Variants in ZNF404 observed in about 807,000 individuals in gnomAD.
ZNF404 encodes the protein zinc finger protein 404.
Under a neutral mutation model 7.3 loss-of-function variants are expected in ZNF404, and 7 were observed. That is an observed-to-expected ratio of 0.95 (90% confidence interval 0.54 to 1.79). The LOEUF is 1.79. ZNF404 is among the 40% of genes most tolerant of loss of function. The pLI, the probability that ZNF404 is intolerant of heterozygous loss-of-function variation, is 0.00. For missense variants in ZNF404, 560 were observed against 661.5 expected, an observed-to-expected ratio of 0.85 and a Z score of 1.68; for synonymous variants, 191 against 209.9, an observed-to-expected ratio of 0.91 and a Z score of 0.78.
chr19:43,882,115 C>T (rs1024757503), intron 1 of ZNF404, among the ~76,000 whole-genome samples: 5 of 152,072 alleles, frequency 3.3e-5, no homozygotes, highest in Non-Finnish European at 4.4e-5. Context: ...GAAAGCTTAA[C>T]GTAATACTAC....
chr19:43,874,980 A>C (rs76019801), intron 2 of ZNF404, among the ~76,000 whole-genome samples: 1,527 of 152,298 alleles, frequency 0.01, 38 homozygotes, highest in African/African-American at 0.034. Flanking sequence ...TGAGTAAACT[A>C]ACCATTTCAT....
Position 43,873,177 on chromosome 19 carries a change from T to G in ZNF404, c.1037A>C (p.Lys346Thr). The G allele has an allele frequency of 6.2e-7, 1 of 1,612,632 alleles. No homozygotes were observed. Among genetic ancestry groups the G allele is most frequent in the Non-Finnish European group, 8.5e-7 (1 of 1,178,794 alleles). Residue 346 changes from lysine to threonine, a missense_variant, in exon 3 of 3, where the codon AAG (lysine) becomes ACG (threonine). Transcript: ENST00000587539. Reference sequence around the variant, plus strand: ...GAGTTTCTCACTACTATGAATTCTCTTATGTTTAAGAAGGCTTGAGCCCTT... The same window carrying G: ...GAGTTTCTCACTACTATGAATTCTCGTATGTTTAAGAAGGCTTGAGCCCTT... ...FGKGSSLLKH[K>T]RIHSSEKLYD...
In ZNF404 at chr19:43,872,474, A is replaced by G. The variant is rs1971817429; in HGVS notation, c.*81T>C. On this transcript the variant is annotated 3_prime_UTR_variant, in exon 3 of 3. Transcript: ENST00000587539. This position sits in a 1 kb window ranked among gnomAD's most constrained non-coding sequence, Gnocchi z 4.4. Reference sequence around the variant, plus strand: ...GCCTTTCCAAGTATTTATATTCTATATTAACTAGTTTAATCTTCACTATAG... The same window carrying G: ...GCCTTTCCAAGTATTTATATTCTATGTTAACTAGTTTAATCTTCACTATAG... 3.5e-6 allele frequency: 4 copies of G among 1,131,038 alleles called. No individual in the cohort carries two copies. The highest frequency in any genetic ancestry group is 2.4e-4 in the Middle Eastern group (1 of 4,136). 70.1% of individuals were successfully genotyped at this position (1,131,038 alleles called of 1,614,324 possible). A position where few individuals can be genotyped will look rare whatever the true frequency, so the allele number is the denominator to read the frequency against.
intron 1 of ZNF404, among the ~76,000 whole-genome samples, chr19:43,882,679 A>C (rs1184122354): frequency 1.3e-5 from 2 of 151,832 alleles, no homozygotes; most frequent in African/African-American, 4.8e-5. Context: ...TAATCTCAGC[A>C]CTTTGGGAGG....
At chr19:43,882,546 A>ACT (rs1971904539) in intron 1 of ZNF404, among the ~76,000 whole-genome samples, 1 of 152,108 alleles carries the variant, frequency 6.6e-6, no homozygotes, top group South Asian at 2.1e-4. Context: ...CAGAAATGGA[A>ACT]CTCTCATACA....
intron 1 of ZNF404, among the ~76,000 whole-genome samples, chr19:43,882,762 G>A (rs1324802322): frequency 2.0e-5 from 3 of 148,200 alleles, no homozygotes; most frequent in African/African-American, 7.5e-5. Context: ...CTGCACTCCA[G>A]CTTGGGCAAG....
chr19:43,881,904 C>T (rs185613791), intron 1 of ZNF404, among the ~76,000 whole-genome samples: 1 of 145,002 alleles, frequency 6.9e-6, no homozygotes, highest in Non-Finnish European at 1.5e-5. Context: ...TTGCAGTGAG[C>T]CAAGATCACA....
intron 2 of ZNF404, among the ~76,000 whole-genome samples, chr19:43,877,375 A>G (rs935610746): frequency 6.6e-6 from 1 of 152,132 alleles, no homozygotes; most frequent in Non-Finnish European, 1.5e-5. Flanking sequence ...GTCTCTATAT[A>G]CTATTTCCCA....
rs1454667041 is a variant in ZNF404, at chr19:43,873,246, C to T, written c.968G>A (p.Gly323Asp). Residue 323 changes from glycine (G) to aspartate (D), a missense_variant, in exon 3 of 3, where the codon GGT (glycine) becomes GAT (aspartate). Coordinates refer to ENST00000587539, the MANE Select transcript of ZNF404 (RefSeq NM_001033719.3). The part of the protein sequence containing the change: ...LLVEHQRSHT[G>D]EKPHECMECG... ...TTCCATGCATTCATGAGGTTTCTCA[C>T]CAGTATGACTTCTTTGATGTTCAAC... The T allele has an allele frequency of 1.2e-6, 2 of 1,613,666 alleles. No individual in the cohort carries two copies.
rs532462553 is a variant in ZNF404 at position 43,877,853 on chromosome 19, G to A, written c.136+2157C>T. On this transcript the variant is annotated intron_variant, in intron 2 of 2. Coordinates refer to ENST00000587539, the MANE Select transcript of ZNF404 (RefSeq NM_001033719.3). Reference sequence around the variant, plus strand: ...GCGGTGTTTGGTTTTTTGTTCTTGCGATGGTTTACTGAGAATGATGGTTTC... The same window carrying A: ...GCGGTGTTTGGTTTTTTGTTCTTGCAATGGTTTACTGAGAATGATGGTTTC... Among the ~76,000 whole-genome samples, 778 of 151,434 alleles carry A rather than the reference G, an allele frequency of 5.1e-3. 2 individuals are homozygous for A. Among genetic ancestry groups the A allele is most frequent in the Non-Finnish European group, 8.8e-3 (596 of 67,914 alleles).
At position 43,880,072 on chromosome 19, in the gene ZNF404, G is replaced by A. The variant is rs192710212; in HGVS notation, c.74C>T (p.Ser25Leu). ...ATCTCTGTACAAATCCCTCTGATCC[G>A]AGTTTAAATATTCCCACTCCTCCTG... The part of the protein sequence containing the change: ...FSQEEWEYLN[S>L]DQRDLYRDVM... The change falls in exon 2 of 3, where the codon TCG becomes TTG. Residue 25 changes from serine to leucine, a missense_variant. Physicochemically the swap from Ser to Leu is moderately radical, Grantham distance 145. Transcript: ENST00000587539. The A allele has an allele frequency of 2.6e-4, 422 of 1,613,502 alleles. 2 individuals carry two copies. In the Middle Eastern group the frequency reaches 5.4e-3, roughly 21 times the overall value.
intron 1 of ZNF404, among the ~76,000 whole-genome samples, chr19:43,881,436 C>G (rs1351079437): frequency 6.6e-6 from 1 of 152,036 alleles, no homozygotes; most frequent in Non-Finnish European, 1.5e-5. Flanking sequence ...TAATTAGCAA[C>G]AATTGGTGGA....
chr19:43,880,195 C>T, intron 1 of ZNF404, 59 bp from the exon 2 acceptor site: 1 of 1,469,050 alleles, frequency 6.8e-7, no homozygotes, highest in Non-Finnish European at 9.2e-7. Flanking sequence ...CAAGATGGAA[C>T]ATTAAATTGC....
At chr19:43,877,188 C>T (rs1243097498) in intron 2 of ZNF404, among the ~76,000 whole-genome samples, 2 of 151,980 alleles carry the variant, frequency 1.3e-5, no homozygotes, top group African/African-American at 2.4e-5. Flanking sequence ...TGTAACTTGT[C>T]TATAACTCTA....
In ZNF404 at chr19:43,883,954, A is replaced by G; in HGVS notation, c.9+2T>C. On this transcript the variant is annotated splice_donor_variant, in intron 1 of 2. Coordinates refer to ENST00000587539, the MANE Select transcript of ZNF404 (RefSeq NM_001033719.3). LOFTEE classifies it high-confidence loss of function. Reference sequence around the variant, plus strand: ...AGAAAAGCAAAAGAGACATCAACTCACCCGGGCCATGGTTTCAGAAATGCT... The same window carrying G: ...AGAAAAGCAAAAGAGACATCAACTCGCCCGGGCCATGGTTTCAGAAATGCT... The G allele has an allele frequency of 6.3e-7, 1 of 1,599,348 alleles. No homozygotes were observed. Among genetic ancestry groups the G allele is most frequent in the Non-Finnish European group, 8.5e-7 (1 of 1,179,712 alleles).
Position 43,880,126 on chromosome 19 carries a change from G to A in ZNF404, c.20C>T (p.Thr7Ile). MARVPL[T>I]FSDVAIDFSQ... ...GAAGTCTATGGCAACATCGCTGAAT[G>A]TCAATGGCACCTGAAATGACAAACC... The change falls in exon 2 of 3, where the codon ACA becomes ATA. Residue 7 changes from threonine (T) to isoleucine (I), a missense_variant. Transcript: ENST00000587539. 3 of 1,610,982 alleles carry A rather than the reference G, an allele frequency of 1.9e-6. No homozygotes were observed. Among genetic ancestry groups the A allele is most frequent in the Non-Finnish European group, 2.5e-6 (3 of 1,178,642 alleles).
chr19:43,873,333 G>A lies in ZNF404; in HGVS notation c.881C>T (p.Ser294Phe). 1 of 1,613,220 alleles carries A rather than the reference G, an allele frequency of 6.2e-7. No individual in the cohort carries two copies. Among genetic ancestry groups the A allele is most frequent in the South Asian group, 1.1e-5 (1 of 91,046 alleles). ...TTCACATTTATATGGTTTCTCACCAGAATGAATTTTCTTATGTTGGTAAAG... is the reference window on the plus strand; with the variant it reads ...TTCACATTTATATGGTTTCTCACCAAAATGAATTTTCTTATGTTGGTAAAG... ...SSLYQHKKIH[S>F]GEKPYKCEQC... Residue 294 changes from serine to phenylalanine, a missense_variant, in exon 3 of 3, where the codon TCT becomes TTT. Transcript: ENST00000587539.
chr19:43,883,251 C>T (rs191994636), intron 1 of ZNF404, among the ~76,000 whole-genome samples: 4 of 152,240 alleles, frequency 2.6e-5, no homozygotes, highest in African/African-American at 9.6e-5. Context: ...AACCTCTTCC[C>T]CATAGTTCAA....
chr19:43,882,473 C>A (rs1009731342), intron 1 of ZNF404, among the ~76,000 whole-genome samples: 2 of 152,048 alleles, frequency 1.3e-5, no homozygotes, highest in Non-Finnish European at 2.9e-5. Flanking sequence ...ACCAACAGTA[C>A]AATCCCTAAA....
Sources: allele counts gnomAD v4.1 joint callset (sites outside exome capture counted in the v4.1 genomes callset), GRCh38; gene constraint gnomAD v4.1.1; non-coding constraint Gnocchi (gnomAD v3.1); transcripts MANE v1.5; gene names NCBI Gene and HGNC (gene_info 2026-07-23, HGNC 2026-07-21).